RPS6KA5: variants seen among roughly 807,000 people sequenced by gnomAD.
RPS6KA5 encodes ribosomal protein S6 kinase alpha-5.
In RPS6KA5, 27 loss-of-function variants were observed where a neutral mutation model predicts 85.5. The ratio of observed to expected loss-of-function variants is 0.32; its 90% CI spans 0.23 to 0.44. RPS6KA5 has a LOEUF of 0.44. Ranked by LOEUF, RPS6KA5 falls within the 20% of genes least tolerant of loss-of-function variation. RPS6KA5 has a pLI of 1.00. For missense variants in RPS6KA5, 811 were observed against 980.9 expected (o/e 0.83, Z 2.31); for synonymous variants, 334 against 348.2 (o/e 0.96, Z 0.46).
At chr14:90,964,247 C>A (rs2038948384) in intron 3 of RPS6KA5, among the ~76,000 whole-genome samples, 2 of 152,320 alleles carry the variant, frequency 1.3e-5, no homozygotes, top group African/African-American at 2.4e-5. Context: ...CCTGCACATA[C>A]CGGCTATGTA....
At chr14:90,914,708 G>C (rs1213924033) in intron 7 of RPS6KA5, among the ~76,000 whole-genome samples, 4 of 152,172 alleles carry the variant, frequency 2.6e-5, no homozygotes, top group Admixed American at 1.3e-4. Flanking sequence ...ACCCCAACAG[G>C]TTGTAGAGTG....
chr14:90,879,850 T>C (rs1566682444), intron 14 of RPS6KA5, among the ~76,000 whole-genome samples: 1 of 151,168 alleles, frequency 6.6e-6, no homozygotes, highest in Non-Finnish European at 1.5e-5. Context: ...TGGCACGATC[T>C]TCGGCTCACT....
intron 1 of RPS6KA5, among the ~76,000 whole-genome samples, chr14:91,034,347 A>G (rs1201859839): frequency 6.6e-6 from 1 of 151,964 alleles, no homozygotes; most frequent in Non-Finnish European, 1.5e-5. Context: ...CAAAATATTC[A>G]TATTATTCAT....
chr14:90,978,086 G>C (rs1281038880), intron 3 of RPS6KA5, among the ~76,000 whole-genome samples: 1 of 152,114 alleles, frequency 6.6e-6, no homozygotes, highest in African/African-American at 2.4e-5. Flanking sequence ...ACTAAGAAAA[G>C]AGTGTGGAAT....
chr14:90,980,502 G>A (rs1170013729), intron 2 of RPS6KA5, among the ~76,000 whole-genome samples: 1 of 152,228 alleles, frequency 6.6e-6, no homozygotes, highest in African/African-American at 2.4e-5. Context: ...GCTGCTGGGT[G>A]TTCGAACCTA....
Position 91,030,611 on chromosome 14 carries a change from G to GAAAAAAAAAAAAAAAA in RPS6KA5, c.104-29468_104-29453dup, listed in dbSNP as rs58737573. 1.1e-3 allele frequency among the ~76,000 whole-genome samples: 24 copies of GAAAAAAAAAAAAAAAA among 22,080 alleles called. 1 individual carries two copies. The highest frequency in any genetic ancestry group is 2.5e-3 in the South Asian group (1 of 402). The allele number at this position is 22,080 out of a possible 152,430, so 14.5% of individuals were successfully genotyped here. A position where few individuals can be genotyped will look rare whatever the true frequency, so the allele number is the denominator to read the frequency against. On this transcript the variant is annotated intron_variant, in intron 1 of 16. Transcript: ENST00000614987. ...AACATGCAAGACACCAAAATAAACA[G>GAAAAAAAAAAAAAAAA]AAAAAAAAAAAAAAAAAAAAAAAAA...
In RPS6KA5 at chr14:90,906,271, G is replaced by T; in HGVS notation, c.835C>A (p.Pro279Thr). Residue 279 changes from proline to threonine, a missense_variant, in exon 8 of 17, where the codon CCC becomes ACC. Physicochemically the swap from Pro to Thr is conservative, Grantham distance 38. Around this residue, in one of 3 missense-constraint regions of RPS6KA5, gnomAD observed 650 missense variants for 793.4 expected, o/e 0.82. Coordinates refer to ENST00000614987, the MANE Select transcript of RPS6KA5 (RefSeq NM_004755.4). ...RRILKSEPPY[P>T]QEMSALAKDL... ...TTCGCTAAAGCACTCATTTCTTGGG[G>T]ATATGGAGGCTCACTTTTTAATATT... The T allele has an allele frequency of 1.2e-6, 2 of 1,607,872 alleles. No homozygotes were observed. The highest frequency in any genetic ancestry group is 8.5e-7 in the Non-Finnish European group (1 of 1,175,888).
intron 13 of RPS6KA5, among the ~76,000 whole-genome samples, chr14:90,892,754 A>T (rs1311482062): frequency 6.6e-6 from 1 of 152,238 alleles, no homozygotes. Flanking sequence ...GGAAAATATT[A>T]AACTTTTAGT....
chr14:90,968,105 C>T (rs971841409), intron 3 of RPS6KA5, among the ~76,000 whole-genome samples: 3 of 152,162 alleles, frequency 2.0e-5, no homozygotes, highest in African/African-American at 4.8e-5. Context: ...AGCAGGACTG[C>T]GTTTCTTCTG....
At chr14:91,044,422 AAAG>A (rs1334183011) in intron 1 of RPS6KA5, among the ~76,000 whole-genome samples, 1 of 126,466 alleles carries the variant, frequency 7.9e-6, no homozygotes, top group Non-Finnish European at 1.7e-5. Flanking sequence ...AGAAAGAAAG[AAAG>A]AAAGAAAGAA....
At chr14:90,953,168 T>C (rs546643436) in intron 3 of RPS6KA5, among the ~76,000 whole-genome samples, 9 of 152,336 alleles carry the variant, frequency 5.9e-5, no homozygotes, top group Non-Finnish European at 1.2e-4. Context: ...ACATAAACTG[T>C]GAAGATTTCA....
rs1671552216 is a variant in RPS6KA5 at position 90,894,529 on chromosome 14, T to C, written c.1528A>G (p.Ile510Val). Residue 510 changes from isoleucine to valine, a missense_variant, in exon 13 of 17, where the codon ATT becomes GTT. Ile to Val is a conservative substitution (Grantham distance 29). This residue lies in a region of RPS6KA5 where 650 missense variants were observed against 793.4 expected (regional missense o/e 0.82). Transcript: ENST00000614987. Reference sequence around the variant, plus strand: ...TCACTGAAGTGCTTCTTTTTCTTAATGCGCTCAAACAGTTCTCCTCCATTC... The same window carrying C: ...TCACTGAAGTGCTTCTTTTTCTTAACGCGCTCAAACAGTTCTCCTCCATTC... Reference protein sequence around the residue: ...LLNGGELFERIKKKKHFSETE... With the variant: ...LLNGGELFERVKKKKHFSETE... The C allele has an allele frequency of 6.2e-7, 1 of 1,614,208 alleles. No homozygotes were observed. Among genetic ancestry groups the C allele is most frequent in the Non-Finnish European group, 8.5e-7 (1 of 1,180,032 alleles).
chr14:90,981,007 A>C (rs1212824785), intron 2 of RPS6KA5, among the ~76,000 whole-genome samples: 1 of 152,182 alleles, frequency 6.6e-6, no homozygotes, highest in East Asian at 1.9e-4. Context: ...CCCTGTCTCT[A>C]CTGAAAACAC....
chr14:90,858,364 A>G lies in RPS6KA5; in HGVS notation c.*13710T>C, dbSNP rs1409450691. 1 of 152,196 alleles carries G rather than the reference A, an allele frequency of 6.6e-6. No homozygotes were observed. The highest frequency in any genetic ancestry group is 2.4e-5 in the African/African-American group (1 of 41,442). The allele number at this position is 152,196 out of a possible 1,614,324, so 9.4% of individuals were successfully genotyped here. A position where few individuals can be genotyped will look rare whatever the true frequency, so the allele number is the denominator to read the frequency against. ...ATCTCTGTCCAAGAACTGTTCGAGA[A>G]TGATGTTAACATCACGTGTAGGAAT... On this transcript the variant is annotated 3_prime_UTR_variant, in exon 17 of 17. Transcript: ENST00000614987.
At chr14:90,895,490 C>T (rs1363764301) in intron 12 of RPS6KA5, among the ~76,000 whole-genome samples, 1 of 152,086 alleles carries the variant, frequency 6.6e-6, no homozygotes, top group Non-Finnish European at 1.5e-5. Context: ...TGCTTTAATC[C>T]CAACAATATT....
intron 4 of RPS6KA5, among the ~76,000 whole-genome samples, chr14:90,944,354 T>C (rs910597105): frequency 5.3e-5 from 8 of 152,216 alleles, no homozygotes; most frequent in Non-Finnish European, 8.8e-5. Flanking sequence ...CAGTGGCTCA[T>C]GTCTGTAACC....
intron 2 of RPS6KA5, among the ~76,000 whole-genome samples, chr14:90,992,538 A>T (rs181620202): frequency 1.4e-4 from 22 of 152,358 alleles, no homozygotes; most frequent in Admixed American, 3.9e-4. Context: ...ATTTGATATT[A>T]AAAATTTCAC....
chr14:91,050,541 G>C (rs375426120), intron 1 of RPS6KA5, among the ~76,000 whole-genome samples: 1 of 152,080 alleles, frequency 6.6e-6, no homozygotes, highest in Non-Finnish European at 1.5e-5. Context: ...CAATTCTCTT[G>C]CCTAAGCCTC....
At chr14:90,978,592 C>T (rs771354240) in intron 2 of RPS6KA5, 68 bp from the exon 3 acceptor site, 15 of 1,212,686 alleles carry the variant, frequency 1.2e-5, no homozygotes, top group East Asian at 2.6e-5. Context: ...TTTAGTGCAA[C>T]TAAATTTATT....
Sources: allele counts gnomAD v4.1 joint callset (sites outside exome capture counted in the v4.1 genomes callset), GRCh38; gene constraint gnomAD v4.1.1; regional missense constraint gnomAD v4.1.1; transcripts MANE v1.5; gene names NCBI Gene and HGNC (gene_info 2026-07-23, HGNC 2026-07-21).